CHST11: variants seen among roughly 807,000 people sequenced by gnomAD.
The protein encoded by CHST11 is C4S-1.
CHST11 carries 9 observed loss-of-function variants against 30.4 expected under a neutral mutation model. The observed-to-expected ratio is 0.30, with a 90% CI of 0.18 to 0.52. The LOEUF (loss-of-function observed/expected upper bound fraction) is 0.52, where lower values mean the gene tolerates loss of function less well. CHST11 is among the 20% of genes least tolerant of loss of function. The pLI is 0.97. For missense variants in CHST11, 348 were observed against 460.6 expected, an observed-to-expected ratio of 0.76 and a Z score of 2.24; for synonymous variants, 152 against 187.8, an observed-to-expected ratio of 0.81 and a Z score of 1.56.
intron 1 of CHST11, among the ~76,000 whole-genome samples, chr12:104,536,180 G>A (rs1321686885): frequency 6.6e-6 from 1 of 152,182 alleles, no homozygotes; most frequent in East Asian, 1.9e-4. Context: ...ATGAGGGCTC[G>A]TAAAGGCTGA....
chr12:104,607,767 G>A (rs971839875), intron 2 of CHST11, among the ~76,000 whole-genome samples: 3 of 152,142 alleles, frequency 2.0e-5, no homozygotes, highest in Admixed American at 2.0e-4. Context: ...ATGTGGATCA[G>A]GTCATGTCTG....
chr12:104,634,468 C>G (rs921683035), intron 2 of CHST11, among the ~76,000 whole-genome samples: 2 of 152,204 alleles, frequency 1.3e-5, no homozygotes, highest in African/African-American at 4.8e-5. Flanking sequence ...TGGAGCTGGT[C>G]CCTGAAGAAC....
chr12:104,563,192 T>C lies in CHST11; in HGVS notation c.119-38714T>C, dbSNP rs2038530536. Among the ~76,000 whole-genome samples, 3 of 152,218 alleles carry C rather than the reference T, an allele frequency of 2.0e-5. No homozygotes were observed. The South Asian group carries it at 6.2e-4, about 32-fold the overall frequency. On this transcript the variant is annotated intron_variant, in intron 1 of 2. Transcript: ENST00000303694. ...AGTAGCTGGGATTACAGGCGCTCAC[T>C]ACCAAGCCTGACTAATTTTTGTATT...
At chr12:104,619,204 CACCTCTCGGT>C in intron 2 of CHST11, among the ~76,000 whole-genome samples, 1 of 152,352 alleles carries the variant, frequency 6.6e-6, no homozygotes, top group Admixed American at 6.5e-5. Flanking sequence ...GTGCCGGCTA[CACCTCTCGGT>C]TTCCTGGATT....
intron 2 of CHST11, among the ~76,000 whole-genome samples, chr12:104,655,495 G>A (rs1476144405): frequency 6.6e-6 from 1 of 152,202 alleles, no homozygotes; most frequent in Non-Finnish European, 1.5e-5. Flanking sequence ...CCTTTTGGGA[G>A]CAGGAGTCCT....
At chr12:104,620,624 T>G (rs1386346139) in intron 2 of CHST11, among the ~76,000 whole-genome samples, 1 of 152,208 alleles carries the variant, frequency 6.6e-6, no homozygotes, top group African/African-American at 2.4e-5. Context: ...ATTTATTTAT[T>G]TATTTATTTG....
chr12:104,494,514 T>G (rs1433025953), intron 1 of CHST11, among the ~76,000 whole-genome samples: 1 of 152,226 alleles, frequency 6.6e-6, no homozygotes, highest in Non-Finnish European at 1.5e-5. Flanking sequence ...AGCATTAAAA[T>G]AGAATCCGTT....
At chr12:104,619,786 A>G (rs918661027) in intron 2 of CHST11, among the ~76,000 whole-genome samples, 3 of 152,228 alleles carry the variant, frequency 2.0e-5, no homozygotes, top group African/African-American at 7.2e-5. Context: ...TCGCAAACCC[A>G]TTCACCAAGG....
chr12:104,489,225 T>C (rs7133525), intron 1 of CHST11, among the ~76,000 whole-genome samples: 47,332 of 151,326 alleles, frequency 0.31, 7,827 homozygotes, highest in East Asian at 0.51. Context: ...TTAGTAGAGA[T>C]GGGGTTTCAC....
At chr12:104,499,188 G>A (rs1166536557) in intron 1 of CHST11, among the ~76,000 whole-genome samples, 1 of 152,184 alleles carries the variant, frequency 6.6e-6, no homozygotes, top group Non-Finnish European at 1.5e-5. Flanking sequence ...AGGGTGTTAG[G>A]TTTTTAAAAT....
chr12:104,536,012 G>A (rs954776218), intron 1 of CHST11, among the ~76,000 whole-genome samples: 2 of 152,144 alleles, frequency 1.3e-5, no homozygotes, highest in African/African-American at 4.8e-5. Context: ...ACATACAGAG[G>A]GGATATGCAT....
chr12:104,707,187 G>A (rs2136117761), intron 2 of CHST11, among the ~76,000 whole-genome samples: 1 of 152,338 alleles, frequency 6.6e-6, no homozygotes, highest in Non-Finnish European at 1.5e-5. Context: ...GTGCCAAGAA[G>A]GCAGGAAACT....
chr12:104,724,712 G>A (rs532586789), intron 2 of CHST11, among the ~76,000 whole-genome samples: 16 of 152,200 alleles, frequency 1.1e-4, no homozygotes, highest in East Asian at 5.8e-4. Context: ...TCCCTCCACC[G>A]GTGGAGCTGC....
chr12:104,512,615 A>G (rs539920156), intron 1 of CHST11, among the ~76,000 whole-genome samples: 8 of 152,220 alleles, frequency 5.3e-5, no homozygotes, highest in Non-Finnish European at 1.2e-4. Context: ...AGGGTCATCA[A>G]TATAGGCTAT....
At chr12:104,490,459 C>T (rs978149295) in intron 1 of CHST11, among the ~76,000 whole-genome samples, 42 of 152,260 alleles carry the variant, frequency 2.8e-4, no homozygotes, top group African/African-American at 8.9e-4. Context: ...CAGTTGGTGC[C>T]GAAGTGTTTT....
At chr12:104,714,231 C>G (rs2040111102) in intron 2 of CHST11, among the ~76,000 whole-genome samples, 1 of 152,262 alleles carries the variant, frequency 6.6e-6, no homozygotes, top group Admixed American at 6.5e-5. Flanking sequence ...GTCCCTATCA[C>G]TGAGGCCCCC....
intron 2 of CHST11, among the ~76,000 whole-genome samples, chr12:104,745,165 C>T (rs569709452): frequency 3.9e-5 from 6 of 152,182 alleles, no homozygotes; most frequent in South Asian, 4.1e-4. Context: ...TAAGCCACCA[C>T]GCCCGGCCCC....
chr12:104,715,862 G>A (rs2040126845), intron 2 of CHST11, among the ~76,000 whole-genome samples: 2 of 152,184 alleles, frequency 1.3e-5, no homozygotes, highest in African/African-American at 2.4e-5. Flanking sequence ...TGTGTGTCGC[G>A]CCTTTCTCTC....
At position 104,654,959 on chromosome 12, in the gene CHST11, G is replaced by C. The variant is rs77124724; in HGVS notation, c.204+52968G>C. On this transcript the variant is annotated intron_variant, in intron 2 of 2. Transcript: ENST00000303694. ...TGAATGAAAGAAACTTGAAGCATCT[G>C]GTCCTGTGTCTGGCACTTAAGGAAC... is the stretch of plus-strand genomic sequence containing the variant. Among the ~76,000 whole-genome samples the C allele has an allele frequency of 4.2e-3, 635 of 152,288 alleles. 1 individual carries two copies. The highest frequency in any genetic ancestry group is 7.2e-3 in the Non-Finnish European group (489 of 68,028).
Sources: allele counts gnomAD v4.1 joint callset (sites outside exome capture counted in the v4.1 genomes callset), GRCh38; gene constraint gnomAD v4.1.1; transcripts MANE v1.5; gene names NCBI Gene and HGNC (gene_info 2026-07-23, HGNC 2026-07-21).